The following KCNH1 variants were observed in gnomAD, a reference collection of about 807,000 sequenced individuals.
KCNH1 encodes the protein potassium voltage-gated channel subfamily H member 1, also known as voltage-gated delayed rectifier potassium channel KCNH1.
Under a neutral mutation model 69.2 loss-of-function variants are expected in KCNH1, and 27 were observed. That is an observed-to-expected ratio of 0.39 (90% CI 0.29 to 0.54). The LOEUF is 0.54. Among genes scored for constraint, KCNH1 ranks in the 20% least tolerant of loss-of-function variants. The pLI, the probability that KCNH1 is intolerant of heterozygous loss-of-function variation, is 0.68. For synonymous variants in KCNH1, 456 were observed against 487.7 expected (o/e 0.93, Z 0.86); for missense variants, 798 against 1,261.6 (o/e 0.63, Z 5.57).
chr1:211,115,126 C>T lies in KCNH1; in HGVS notation c.80-7749G>A, dbSNP rs184468547. Among the ~76,000 whole-genome samples the T allele has an allele frequency of 3.1e-3, 469 of 152,204 alleles. 4 individuals carry two copies. Among genetic ancestry groups the T allele is most frequent in the Middle Eastern group, 3.4e-3 (1 of 294 alleles). ...GCCTCAGCCTCCTGAGTAGCTAGGACTATAGACACACACCACCATGACCAG... is the reference window on the plus strand; with the variant it reads ...GCCTCAGCCTCCTGAGTAGCTAGGATTATAGACACACACCACCATGACCAG... On this transcript the variant is annotated intron_variant, in intron 1 of 10. Transcript: ENST00000271751.
chr1:210,719,650 C>T (rs993574694), intron 10 of KCNH1, among the ~76,000 whole-genome samples: 3 of 152,004 alleles, frequency 2.0e-5, no homozygotes, highest in African/African-American at 7.2e-5. Flanking sequence ...CACCATGGCA[C>T]ATGTATACCT....
intron 6 of KCNH1, among the ~76,000 whole-genome samples, chr1:210,947,336 G>A (rs910656874): frequency 3.9e-5 from 6 of 152,058 alleles, no homozygotes; most frequent in Non-Finnish European, 2.9e-5. Context: ...TTGGGAGGCC[G>A]AGGCGGGCGG....
chr1:210,912,429 C>T (rs777530773), intron 7 of KCNH1, among the ~76,000 whole-genome samples: 4 of 152,128 alleles, frequency 2.6e-5, no homozygotes, highest in East Asian at 1.9e-4. Context: ...ATCTAAGGAA[C>T]GTCATATCCA....
chr1:210,951,396 T>A (rs1434699510), intron 6 of KCNH1, among the ~76,000 whole-genome samples: 1 of 152,130 alleles, frequency 6.6e-6, no homozygotes, highest in South Asian at 2.1e-4. Context: ...AAGGAGAACG[T>A]TCTTGATGCT....
rs758622340 is a variant in KCNH1, at chr1:210,683,855, G to A, written c.2396C>T (p.Ser799Phe). Residue 799 changes from serine to phenylalanine, a missense_variant, in exon 11 of 11, where the codon TCC (serine) becomes TTC (phenylalanine). Physicochemically the swap from Ser to Phe is radical, Grantham distance 155. Around this residue, in one of 4 missense-constraint regions of KCNH1, gnomAD observed 331 missense variants for 363.2 expected, o/e 0.91. Coordinates refer to ENST00000271751, the MANE Select transcript of KCNH1 (RefSeq NM_172362.3). The surrounding 1 kb of genome is among the most constrained non-coding windows in gnomAD (Gnocchi z 5.7). The stretch of plus-strand genomic sequence containing the variant: ...CCCGGAGGTGGAGGCTGCCTGGAAG[G>A]ATACGGGCGTGGCAGGACTCTCACG... The part of the protein sequence containing the change: ...TVRESPATPV[S>F]FQAASTSGVP... 6.2e-7 allele frequency: 1 copy of A among 1,614,020 alleles called. No individual in the cohort carries two copies. Among genetic ancestry groups the A allele is most frequent in the Non-Finnish European group, 8.5e-7 (1 of 1,180,048 alleles).
chr1:210,860,341 T>G, intron 7 of KCNH1: 1 of 1,448,688 alleles, frequency 6.9e-7, no homozygotes, highest in African/African-American at 1.4e-5. Context: ...TTCTGAGACA[T>G]GCTGTTGTAA....
chr1:211,082,641 G>T (rs1337073460), intron 5 of KCNH1, 139 bp downstream of exon 5: 11 of 688,206 alleles, frequency 1.6e-5, no homozygotes. Context: ...ATACACTGTG[G>T]TGTGTAAGCC....
chr1:211,056,629 T>C (rs1160530870), intron 5 of KCNH1, among the ~76,000 whole-genome samples: 1 of 152,162 alleles, frequency 6.6e-6, no homozygotes, highest in Non-Finnish European at 1.5e-5. Context: ...TAGTACAGTA[T>C]CAGTGTTGGT....
intron 10 of KCNH1, among the ~76,000 whole-genome samples, chr1:210,715,075 A>C (rs934473470): frequency 2.6e-5 from 4 of 152,198 alleles, no homozygotes; most frequent in Admixed American, 1.3e-4. Flanking sequence ...GTCCACAGGA[A>C]GACTCTGCCT....
chr1:211,024,117 A>G (rs1689638540), intron 5 of KCNH1, among the ~76,000 whole-genome samples: 1 of 152,190 alleles, frequency 6.6e-6, no homozygotes, highest in Admixed American at 6.5e-5. Flanking sequence ...CTATGCCCGG[A>G]ACTGTTCTAG....
intron 6 of KCNH1, among the ~76,000 whole-genome samples, chr1:210,956,582 A>T (rs1688182099): frequency 6.9e-6 from 1 of 144,072 alleles, no homozygotes; most frequent in Non-Finnish European, 1.5e-5. Context: ...TTACTGCCTC[A>T]ACTTCAGAAC....
chr1:211,091,764 T>C (rs1691056741), intron 3 of KCNH1, among the ~76,000 whole-genome samples: 1 of 152,214 alleles, frequency 6.6e-6, no homozygotes, highest in South Asian at 2.1e-4. Context: ...CTATTCTGAC[T>C]GGCTTCTCAG....
chr1:210,713,363 A>G (rs931973861), intron 10 of KCNH1, among the ~76,000 whole-genome samples: 1 of 152,164 alleles, frequency 6.6e-6, no homozygotes, highest in African/African-American at 2.4e-5. Context: ...CAAAGAGACC[A>G]AGTGTCCAAA....
At chr1:210,937,515 C>A (rs990206544) in intron 6 of KCNH1, among the ~76,000 whole-genome samples, 1 of 152,168 alleles carries the variant, frequency 6.6e-6, no homozygotes, top group South Asian at 2.1e-4. Context: ...ACCCTTTTGG[C>A]TAGAGCATGG....
chr1:211,081,546 T>C (rs981890508), intron 5 of KCNH1, among the ~76,000 whole-genome samples: 6 of 152,166 alleles, frequency 3.9e-5, no homozygotes, highest in African/African-American at 1.4e-4. Context: ...CTATTCACAA[T>C]AGCAAAGAAC....
intron 7 of KCNH1, among the ~76,000 whole-genome samples, chr1:210,895,020 A>G (rs1175335404): frequency 6.6e-6 from 1 of 152,210 alleles, no homozygotes; most frequent in African/African-American, 2.4e-5. Context: ...AATTCTCTCA[A>G]GGCAGTAAAC....
intron 7 of KCNH1, among the ~76,000 whole-genome samples, chr1:210,869,669 T>A (rs1167467948): frequency 6.6e-6 from 1 of 152,096 alleles, no homozygotes; most frequent in African/African-American, 2.4e-5. Context: ...AGCTTGATCC[T>A]TTTTTAGGCT....
chr1:211,034,287 T>A lies in KCNH1; in HGVS notation c.559-15031A>T, dbSNP rs184397600. ...TAAAAACTATTGATACATGCAGCAA[T>A]CTGGATGAATCTCCAGAGACTGAAA... On this transcript the variant is annotated intron_variant, in intron 5 of 10. Coordinates refer to ENST00000271751, the MANE Select transcript of KCNH1 (RefSeq NM_172362.3). 2.8e-4 allele frequency among the ~76,000 whole-genome samples: 42 copies of A among 152,168 alleles called. No individual in the cohort carries two copies. The East Asian group carries it at 8.1e-3, about 29-fold the overall frequency.
At chr1:211,050,940 G>A (rs1690193748) in intron 5 of KCNH1, among the ~76,000 whole-genome samples, 1 of 152,114 alleles carries the variant, frequency 6.6e-6, no homozygotes, top group Non-Finnish European at 1.5e-5. Flanking sequence ...TCAGAATTGT[G>A]TTCGATGGGA....
Sources: allele counts gnomAD v4.1 joint callset (sites outside exome capture counted in the v4.1 genomes callset), GRCh38; gene constraint gnomAD v4.1.1; regional missense constraint gnomAD v4.1.1; non-coding constraint Gnocchi (gnomAD v3.1); transcripts MANE v1.5; gene names NCBI Gene and HGNC (gene_info 2026-07-23, HGNC 2026-07-21).